Variants in SPDYE4 observed in about 807,000 individuals in gnomAD.
SPDYE4 encodes the protein speedy/RINGO cell cycle regulator family member E4, also known as speedy protein E4.
Under a neutral mutation model 37.5 loss-of-function variants are expected in SPDYE4, and 30 were observed. The ratio of observed to expected loss-of-function variants is 0.80; its 90% CI spans 0.60 to 1.09. The LOEUF is 1.09. SPDYE4 is among the 50% of genes least tolerant of loss of function. The pLI is 0.00. For missense variants in SPDYE4, 300 were observed against 307.9 expected, an observed-to-expected ratio of 0.97 and a Z score of 0.19; for synonymous variants, 131 against 120.3, an observed-to-expected ratio of 1.09 and a Z score of -0.58.
rs752928914 is a variant in SPDYE4, at chr17:8,756,344, A to G, written c.399+34T>C. On this transcript the variant is annotated intron_variant, in intron 3 of 6. Transcript: ENST00000689094. ...CACCCTTCCCCAGGACGTGTGTTAA[A>G]GCAGGAACACAGTTGAGTGGAGAAC... 3 of 1,600,314 alleles carry G rather than the reference A, an allele frequency of 1.9e-6. 1 individual carries two copies. Among genetic ancestry groups the G allele is most frequent in the South Asian group, 2.2e-5 (2 of 90,352 alleles).
In SPDYE4 at chr17:8,756,386, A is replaced by G; in HGVS notation, c.391T>C (p.Ser131Pro). 1 of 1,613,932 alleles carries G rather than the reference A, an allele frequency of 6.2e-7. No homozygotes were observed. Among genetic ancestry groups the G allele is most frequent in the South Asian group, 1.1e-5 (1 of 91,070 alleles). Residue 131 changes from serine (S) to proline (P), a missense_variant, in exon 3 of 7, where the codon TCA becomes CCA. Physicochemically the swap from Ser to Pro is moderately conservative, Grantham distance 74. Coordinates refer to ENST00000689094, the MANE Select transcript of SPDYE4 (RefSeq NM_001394956.1). ...FLAWDKDLRV[S>P]DKYLLAMVIA... ...GTGGAGAACAACCTTACCTTGTCTG[A>G]CACCCTCAGGTCTTTGTCCCAGGCC...
rs568248718 is a variant in SPDYE4 at position 8,757,569 on chromosome 17, A to T, written c.110-77T>A. 2.1e-6 allele frequency: 3 copies of T among 1,427,910 alleles called. No individual in the cohort carries two copies. In the Admixed American group the frequency reaches 6.1e-5, roughly 29 times the overall value. 88.5% of individuals were successfully genotyped at this position (1,427,910 alleles called of 1,614,324 possible). On this transcript the variant is annotated intron_variant, in intron 1 of 6. Coordinates refer to ENST00000689094, the MANE Select transcript of SPDYE4 (RefSeq NM_001394956.1). ...AGACGCCCCGACCCAGGAACCTCAA[A>T]CTACTCTTCCATCCTCCCAAGCCTC...
At position 8,751,934 on chromosome 17, in the gene SPDYE4, C is replaced by G. The variant is rs547003867; in HGVS notation, c.*348G>C. 6.6e-6 allele frequency among the ~76,000 whole-genome samples: 1 copy of G among 152,286 alleles called. No individual in the cohort carries two copies. Among genetic ancestry groups the G allele is most frequent in the East Asian group, 1.9e-4 (1 of 5,188 alleles). On this transcript the variant is annotated 3_prime_UTR_variant, in exon 7 of 7. Transcript: ENST00000689094. The stretch of plus-strand genomic sequence containing the variant: ...CTGTGGCAACCAAGTCCATAGGAAA[C>G]AGGAACTCCAGCTTCCAGCCCAGGG...
At chr17:8,750,766 A>G (rs1597350577), downstream of SPDYE4, among the ~76,000 whole-genome samples, 2 of 152,238 alleles carry the variant, frequency 1.3e-5, no homozygotes, top group Non-Finnish European at 2.9e-5. Context: ...GGGTTAATAG[A>G]TTTGTTCAAA....
Sources: gnomAD v4.1 joint callset for allele counts (sites outside exome capture counted in the v4.1 genomes callset) on GRCh38, gnomAD v4.1.1 for gene constraint, MANE v1.5 for transcripts, NCBI Gene and HGNC (gene_info 2026-07-23, HGNC 2026-07-21) for gene names.